The following SYT1 variants were observed in gnomAD, a reference collection of about 807,000 sequenced individuals.
The protein encoded by SYT1 is synaptotagmin 1, also known as synaptotagmin-1.
Under a neutral mutation model 44.8 loss-of-function variants are expected in SYT1, and 8 were observed. The observed-to-expected ratio is 0.18, with a 90% confidence interval of 0.10 to 0.32. SYT1 has a LOEUF of 0.32. Among genes scored for constraint, SYT1 ranks in the 10% least tolerant of loss-of-function variants. The pLI is 1.00. For missense variants in SYT1, 286 were observed against 509.3 expected (o/e 0.56, Z 4.22); for synonymous variants, 154 against 188.8 (o/e 0.82, Z 1.51).
At chr12:79,226,362 T>G (rs997355331) in intron 4 of SYT1, among the ~76,000 whole-genome samples, 2 of 152,172 alleles carry the variant, frequency 1.3e-5, no homozygotes, top group Non-Finnish European at 2.9e-5. Context: ...GGAAAAAAAT[T>G]ATCTATGAAA....
chr12:79,107,061 A>C (rs149405518), intron 3 of SYT1, among the ~76,000 whole-genome samples: 1 of 152,134 alleles, frequency 6.6e-6, no homozygotes, highest in African/African-American at 2.4e-5. Context: ...TGGAATTAAG[A>C]AATAATAAAA....
rs1462365116 is a variant in SYT1 at position 79,311,598 on chromosome 12, G to A, written c.810+12047G>A. ...GTTTATTGCGGCACTATTCACAATA[G>A]CAAAGACTTGGAACCAACCCAAATG... On this transcript the variant is annotated intron_variant, in intron 8 of 10. Transcript: ENST00000261205. Among the ~76,000 whole-genome samples, 10 of 144,654 alleles carry A rather than the reference G, an allele frequency of 6.9e-5. No homozygotes were observed. In the East Asian group the frequency reaches 1.0e-3, roughly 14 times the overall value. The allele number at this position is 144,654 out of a possible 152,430, so 94.9% of individuals were successfully genotyped here.
chr12:79,054,443 A>T (rs1420807204), intron 3 of SYT1, among the ~76,000 whole-genome samples: 1 of 152,046 alleles, frequency 6.6e-6, no homozygotes, highest in African/African-American at 2.4e-5. Context: ...AAAATGGATT[A>T]TAGCCATAAG....
chr12:79,263,999 T>C (rs1438102685), intron 4 of SYT1, among the ~76,000 whole-genome samples: 2 of 152,154 alleles, frequency 1.3e-5, no homozygotes, highest in Non-Finnish European at 2.9e-5. Flanking sequence ...CTTTGATTGA[T>C]TTGAAATAGA....
Position 78,949,576 on chromosome 12 carries a change from G to A in SYT1, c.-216-28223G>A, listed in dbSNP as rs551126584. 5.9e-5 allele frequency among the ~76,000 whole-genome samples: 9 copies of A among 151,598 alleles called. 1 individual carries two copies. In the South Asian group the frequency reaches 1.9e-3, roughly 32 times the overall value. On this transcript the variant is annotated intron_variant, in intron 1 of 10. Coordinates refer to ENST00000261205, the MANE Select transcript of SYT1 (RefSeq NM_005639.3). ...AGTATCTATATTCCAGAAAATCACT[G>A]ACAATGGCAAATGTTTCTGAGTCAT... is the stretch of plus-strand genomic sequence containing the variant.
rs548545735 is a variant in SYT1, at chr12:78,928,003, T to G, written c.-216-49796T>G. The stretch of plus-strand genomic sequence containing the variant: ...TCTGCTGGGATTTGAAAGTATACAC[T>G]TGAACTTGAAATAAATAATAGTAAT... On this transcript the variant is annotated intron_variant, in intron 1 of 10. Coordinates refer to ENST00000261205, the MANE Select transcript of SYT1 (RefSeq NM_005639.3). 5.8e-4 allele frequency among the ~76,000 whole-genome samples: 88 copies of G among 152,266 alleles called. No homozygotes were observed. In the Middle Eastern group the frequency reaches 0.01, roughly 18 times the overall value.
intron 9 of SYT1, among the ~76,000 whole-genome samples, chr12:79,424,880 T>G (rs1010502592): frequency 2.0e-5 from 3 of 151,696 alleles, no homozygotes; most frequent in Non-Finnish European, 4.4e-5. Context: ...ATCATTGCCC[T>G]GCTCCTTATA....
At chr12:79,241,212 G>A (rs1876488766) in intron 4 of SYT1, among the ~76,000 whole-genome samples, 1 of 150,654 alleles carries the variant, frequency 6.6e-6, no homozygotes, top group Non-Finnish European at 1.5e-5. Context: ...AAAATTCTGA[G>A]ATTCTAGAAA....
At chr12:79,413,397 C>T (rs1868548116) in intron 9 of SYT1, among the ~76,000 whole-genome samples, 1 of 152,180 alleles carries the variant, frequency 6.6e-6, no homozygotes, top group African/African-American at 2.4e-5. Context: ...ACCACAAGAT[C>T]TGTCTGCTCA....
chr12:79,292,894 T>C (rs1879656748), intron 6 of SYT1, among the ~76,000 whole-genome samples: 1 of 152,112 alleles, frequency 6.6e-6, no homozygotes, highest in Non-Finnish European at 1.5e-5. Context: ...TCGCTTTTCA[T>C]TTGAAGACAT....
At chr12:78,887,075 A>G (rs563529170) in intron 1 of SYT1, among the ~76,000 whole-genome samples, 1 of 152,160 alleles carries the variant, frequency 6.6e-6, no homozygotes, top group Admixed American at 6.6e-5. Flanking sequence ...CTGTGGTTTC[A>G]GTTACCCATG....
chr12:79,261,401 T>C (rs1303724464), intron 4 of SYT1, among the ~76,000 whole-genome samples: 1 of 152,196 alleles, frequency 6.6e-6, no homozygotes, highest in African/African-American at 2.4e-5. Flanking sequence ...TGGATCCCAT[T>C]GTCTAAGACT....
chr12:79,292,275 G>A (rs1044787898), intron 6 of SYT1, 145 bp downstream of exon 6: 4 of 1,010,670 alleles, frequency 4.0e-6, no homozygotes, highest in African/African-American at 3.3e-5. Context: ...TAATTTCTAA[G>A]AACAGGCAGT....
intron 4 of SYT1, among the ~76,000 whole-genome samples, chr12:79,234,355 T>G (rs1876049421): frequency 6.6e-6 from 1 of 152,236 alleles, no homozygotes; most frequent in Non-Finnish European, 1.5e-5. Flanking sequence ...CTTTTAGTCA[T>G]ATACAAGCAA....
chr12:78,970,504 G>A (rs79659242), intron 1 of SYT1, among the ~76,000 whole-genome samples: 2,015 of 152,142 alleles, frequency 0.013, 50 homozygotes, highest in African/African-American at 0.046. Context: ...CTATGTTTCA[G>A]CAATACACAG....
At chr12:79,152,203 G>T (rs1565828717) in intron 3 of SYT1, among the ~76,000 whole-genome samples, 1 of 152,092 alleles carries the variant, frequency 6.6e-6, no homozygotes, top group Non-Finnish European at 1.5e-5. Context: ...AGATGTAGGG[G>T]GATAATGTGG....
intron 1 of SYT1, among the ~76,000 whole-genome samples, chr12:78,871,633 A>C (rs530762993): frequency 7.2e-5 from 11 of 151,982 alleles, no homozygotes; most frequent in Non-Finnish European, 1.5e-4. Flanking sequence ...GGGACAGTTG[A>C]GCTCTAGCAA....
intron 2 of SYT1, among the ~76,000 whole-genome samples, chr12:78,994,104 C>T (rs1272341942): frequency 6.6e-6 from 1 of 152,150 alleles, no homozygotes; most frequent in East Asian, 1.9e-4. Context: ...TGCTTTTTAT[C>T]GAATTCCCTG....
chr12:79,262,386 C>T (rs1460080112), intron 4 of SYT1, among the ~76,000 whole-genome samples: 1 of 152,146 alleles, frequency 6.6e-6, no homozygotes, highest in Non-Finnish European at 1.5e-5. Flanking sequence ...TTAGCATCTG[C>T]TGTTGTAAAA....
Sources: allele counts gnomAD v4.1 joint callset (sites outside exome capture counted in the v4.1 genomes callset), GRCh38; gene constraint gnomAD v4.1.1; transcripts MANE v1.5; gene names NCBI Gene and HGNC (gene_info 2026-07-23, HGNC 2026-07-21).